PARD3B: variants seen among roughly 807,000 people sequenced by gnomAD.
PARD3B encodes the protein par-3 family cell polarity regulator beta.
Under a neutral mutation model 130.2 loss-of-function variants are expected in PARD3B, and 103 were observed. That is an observed-to-expected ratio of 0.79 (90% CI 0.67 to 0.93). The LOEUF is 0.93. Ranked by LOEUF, PARD3B falls within the 40% of genes least tolerant of loss-of-function variation. PARD3B has a pLI of 0.00. For missense variants in PARD3B, 1,609 were observed against 1,499.2 expected (o/e 1.07, Z -1.21); for synonymous variants, 583 against 553.2 (o/e 1.05, Z -0.76).
chr2:205,188,667 C>T (rs1019263488), intron 14 of PARD3B, among the ~76,000 whole-genome samples: 12 of 151,572 alleles, frequency 7.9e-5, no homozygotes, highest in African/African-American at 2.7e-4. Flanking sequence ...CAAGCTGCTG[C>T]GTTGCCTAGG....
At chr2:204,617,773 A>G (rs1302108156) in intron 1 of PARD3B, among the ~76,000 whole-genome samples, 1 of 152,086 alleles carries the variant, frequency 6.6e-6, no homozygotes. Context: ...TTCAGCTTCC[A>G]CTTATAAGTG....
Position 205,196,638 on chromosome 2 carries a change from A to C in PARD3B, c.2140+3318A>C, listed in dbSNP as rs113715879. Among the ~76,000 whole-genome samples the C allele has an allele frequency of 8.0e-3, 1,225 of 152,270 alleles. 17 individuals carry two copies. The highest frequency in any genetic ancestry group is 0.014 in the African/African-American group (574 of 41,560). On this transcript the variant is annotated intron_variant, in intron 15 of 22. Coordinates refer to ENST00000406610, the MANE Select transcript of PARD3B (RefSeq NM_001302769.2). ...AGGCTTTAAAAATATTTAGGACTCT[A>C]TCATATATTTTTATCCATGGGGTAT...
At chr2:204,693,860 A>T (rs73059069) in intron 2 of PARD3B, among the ~76,000 whole-genome samples, 29,139 of 151,886 alleles carry the variant, frequency 0.19, 2,966 homozygotes, top group African/African-American at 0.26. Flanking sequence ...TTTATGTTGT[A>T]TTTTGTATTA....
At chr2:205,069,368 T>C (rs1001582637) in intron 4 of PARD3B, among the ~76,000 whole-genome samples, 2 of 152,116 alleles carry the variant, frequency 1.3e-5, no homozygotes, top group African/African-American at 4.8e-5. Context: ...ATAGATAGAT[T>C]GTATTTAAAA....
chr2:205,119,833 A>C (rs144477077), intron 7 of PARD3B, among the ~76,000 whole-genome samples: 411 of 152,270 alleles, frequency 2.7e-3, no homozygotes, highest in African/African-American at 9.3e-3. Flanking sequence ...ATCTTTCTGC[A>C]TGTGAAAATG....
chr2:205,262,384 T>A (rs2040348276), intron 16 of PARD3B, among the ~76,000 whole-genome samples: 1 of 152,050 alleles, frequency 6.6e-6, no homozygotes, highest in Non-Finnish European at 1.5e-5. Context: ...TTTTTCTCCT[T>A]TGTTTCTATA....
chr2:205,058,633 C>G (rs1699880843), intron 4 of PARD3B, among the ~76,000 whole-genome samples: 1 of 151,976 alleles, frequency 6.6e-6, no homozygotes, highest in Non-Finnish European at 1.5e-5. Flanking sequence ...AGTAATCATC[C>G]TAATGACTGT....
At chr2:205,611,306 C>T (rs911147871) in intron 22 of PARD3B, among the ~76,000 whole-genome samples, 6 of 152,166 alleles carry the variant, frequency 3.9e-5, no homozygotes, top group African/African-American at 1.4e-4. Flanking sequence ...TTTCCCTATA[C>T]AGAATTGTTT....
chr2:204,587,296 T>C (rs1010892971), intron 1 of PARD3B, among the ~76,000 whole-genome samples: 1 of 152,212 alleles, frequency 6.6e-6, no homozygotes, highest in African/African-American at 2.4e-5. Context: ...TTATGGTGGT[T>C]AATTCAGCTC....
intron 2 of PARD3B, among the ~76,000 whole-genome samples, chr2:204,706,537 C>G (rs2038169269): frequency 6.6e-6 from 1 of 151,964 alleles, no homozygotes; most frequent in Non-Finnish European, 1.5e-5. Flanking sequence ...TAGGGGTTTA[C>G]TTTGAAAAAT....
intron 2 of PARD3B, among the ~76,000 whole-genome samples, chr2:204,821,653 C>T (rs1182516201): frequency 6.6e-6 from 1 of 151,398 alleles, no homozygotes; most frequent in Non-Finnish European, 1.5e-5. Context: ...TGTAACTAAC[C>T]TGCACATTGT....
At chr2:205,264,373 T>C (rs954553483) in intron 16 of PARD3B, among the ~76,000 whole-genome samples, 6 of 151,196 alleles carry the variant, frequency 4.0e-5, no homozygotes, top group Non-Finnish European at 7.4e-5. Flanking sequence ...ATGATCAGTC[T>C]CATTTTTGCT....
chr2:205,368,914 T>C (rs1046774659), intron 18 of PARD3B, among the ~76,000 whole-genome samples: 2 of 152,092 alleles, frequency 1.3e-5, no homozygotes, highest in African/African-American at 4.8e-5. Context: ...CTCTTCTCTA[T>C]GACTTGTCTT....
At chr2:204,575,647 C>A (rs938829732) in intron 1 of PARD3B, among the ~76,000 whole-genome samples, 4 of 152,230 alleles carry the variant, frequency 2.6e-5, no homozygotes, top group African/African-American at 9.6e-5. Context: ...CCTGCCTGTT[C>A]TCCTCCTGGC....
intron 15 of PARD3B, among the ~76,000 whole-genome samples, chr2:205,201,875 G>A (rs1226039600): frequency 1.3e-5 from 2 of 152,106 alleles, no homozygotes; most frequent in Admixed American, 6.5e-5. Flanking sequence ...AATGTATATA[G>A]TTATATGTTT....
chr2:204,828,056 A>C (rs2043657825), intron 2 of PARD3B, among the ~76,000 whole-genome samples: 1 of 152,118 alleles, frequency 6.6e-6, no homozygotes, highest in Admixed American at 6.5e-5. Context: ...TCCAGTGTAG[A>C]GCGTAAAATG....
At chr2:205,418,318 G>A (rs1026305525) in intron 19 of PARD3B, among the ~76,000 whole-genome samples, 2 of 152,042 alleles carry the variant, frequency 1.3e-5, no homozygotes, top group Non-Finnish European at 2.9e-5. Context: ...TTTTTGGCCT[G>A]AACTCTTCAA....
chr2:205,400,860 A>G (rs776388832), intron 18 of PARD3B, among the ~76,000 whole-genome samples, 153 bp from the exon 19 acceptor site: 86 of 152,128 alleles, frequency 5.7e-4, no homozygotes, highest in Non-Finnish European at 7.3e-4. Flanking sequence ...TTCTGCTTTC[A>G]TTATCTTATT....
intron 22 of PARD3B, among the ~76,000 whole-genome samples, chr2:205,600,607 C>T (rs1319948527): frequency 3.3e-5 from 5 of 152,304 alleles, no homozygotes; most frequent in Middle Eastern, 3.4e-3. Context: ...CCCATCACCT[C>T]GGTATTAACC....
Sources: gnomAD v4.1 joint callset for allele counts (sites outside exome capture counted in the v4.1 genomes callset) on GRCh38, gnomAD v4.1.1 for gene constraint, MANE v1.5 for transcripts, NCBI Gene and HGNC (gene_info 2026-07-23, HGNC 2026-07-21) for gene names.